RGS7BP: variants seen among roughly 807,000 people sequenced by gnomAD.
The protein encoded by RGS7BP is regulator of G protein signaling 7 binding protein, also known as regulator of G protein signaling 7-binding protein.
A neutral mutation model predicts 31.3 loss-of-function variants in RGS7BP; 9 were observed. The observed-to-expected ratio is 0.29, with a 90% confidence interval of 0.17 to 0.50. RGS7BP has a LOEUF of 0.50. RGS7BP is among the 20% of genes least tolerant of loss of function. RGS7BP has a pLI of 0.98. For synonymous variants in RGS7BP, 115 were observed against 120.1 expected (o/e 0.96, Z 0.28); for missense variants, 274 against 322.0 (o/e 0.85, Z 1.14).
In RGS7BP at chr5:64,506,550, C is replaced by T. The variant is rs553273603; in HGVS notation, c.-75C>T. ...CCGGGCTCCGGCTGCTTGGCGGCGGCGCCCAGGGCAACAACCGGGCCGCCC... is the reference window on the plus strand; with the variant it reads ...CCGGGCTCCGGCTGCTTGGCGGCGGTGCCCAGGGCAACAACCGGGCCGCCC... On this transcript the variant is annotated 5_prime_UTR_variant, in exon 1 of 6. Coordinates refer to ENST00000334025, the MANE Select transcript of RGS7BP (RefSeq NM_001029875.3). The surrounding 1 kb of genome is among the most constrained non-coding windows in gnomAD (Gnocchi z 4.6). 937 of 1,377,626 alleles carry T rather than the reference C, an allele frequency of 6.8e-4. No homozygotes were observed. The highest frequency in any genetic ancestry group is 1.2e-3 in the Admixed American group (55 of 45,202). The allele number at this position is 1,377,626 out of a possible 1,614,324, so 85.3% of individuals were successfully genotyped here.
rs187588813 is a variant in RGS7BP at position 64,514,715 on chromosome 5, C to T, written c.332+6838C>T. ...GGTGAGGCATCTAACAATCCACACC[C>T]GGGGTGTTCACTTTCCCTGGTGTGC... On this transcript the variant is annotated intron_variant, in intron 2 of 5. Coordinates refer to ENST00000334025, the MANE Select transcript of RGS7BP (RefSeq NM_001029875.3). 6.4e-4 allele frequency among the ~76,000 whole-genome samples: 97 copies of T among 152,202 alleles called. 1 individual carries two copies. The highest frequency in any genetic ancestry group is 1.9e-3 in the South Asian group (9 of 4,810).
intron 3 of RGS7BP, among the ~76,000 whole-genome samples, chr5:64,577,301 G>C (rs960760253): frequency 1.7e-4 from 26 of 152,206 alleles, no homozygotes; most frequent in African/African-American, 5.5e-4. Context: ...AATTAGCCAG[G>C]CTTGGTGGGG....
chr5:64,583,245 C>T (rs549526956), intron 3 of RGS7BP, among the ~76,000 whole-genome samples: 2 of 151,976 alleles, frequency 1.3e-5, no homozygotes, highest in Admixed American at 1.3e-4. Context: ...AAAAATTAGC[C>T]AGGTGTGGTG....
rs1403438288 is a variant in RGS7BP, at chr5:64,535,555, T to C, written c.332+27678T>C. ...ATATATGATCCCCTTAAAATGCCTA[T>C]AAAGAAAGAAAGAAAGGTTGATTAT... On this transcript the variant is annotated intron_variant, in intron 2 of 5. Transcript: ENST00000334025. Among the ~76,000 whole-genome samples the C allele has an allele frequency of 2.0e-5, 3 of 152,114 alleles. No homozygotes were observed. In the East Asian group the frequency reaches 5.8e-4, roughly 29 times the overall value.
intron 2 of RGS7BP, among the ~76,000 whole-genome samples, chr5:64,528,840 G>A (rs1367300899): frequency 1.3e-5 from 2 of 148,676 alleles, no homozygotes; most frequent in African/African-American, 5.0e-5. Flanking sequence ...AAAAAAAAGT[G>A]GGAGGGAGGA....
rs201101858 is a variant in RGS7BP at position 64,512,998 on chromosome 5, G to GT, written c.332+5122dup. Among the ~76,000 whole-genome samples the GT allele has an allele frequency of 6.2e-4, 95 of 152,328 alleles. 1 individual carries two copies. The East Asian group carries it at 0.016, about 26-fold the overall frequency. On this transcript the variant is annotated intron_variant, in intron 2 of 5. Transcript: ENST00000334025. The stretch of plus-strand genomic sequence containing the variant: ...AAATTCTCTGCACGCCAAAATGACA[G>GT]TGTTACATTGAAGGACTTCTGAATC...
chr5:64,544,556 C>G (rs575986467), intron 2 of RGS7BP, among the ~76,000 whole-genome samples: 2 of 151,424 alleles, frequency 1.3e-5, no homozygotes, highest in African/African-American at 4.9e-5. Context: ...TGCCTATAGT[C>G]CTAGCCACCT....
At chr5:64,566,628 T>G (rs1214343173) in intron 2 of RGS7BP, among the ~76,000 whole-genome samples, 1 of 151,940 alleles carries the variant, frequency 6.6e-6, no homozygotes, top group Non-Finnish European at 1.5e-5. Context: ...TTCTTTACTA[T>G]TAAAATGAGC....
intron 2 of RGS7BP, among the ~76,000 whole-genome samples, chr5:64,542,765 T>C (rs1225316320): frequency 6.6e-6 from 1 of 152,196 alleles, no homozygotes; most frequent in Non-Finnish European, 1.5e-5. Context: ...CTGAGCTCTA[T>C]GTCTAGAATT....
At chr5:64,513,984 G>A (rs923526964) in intron 2 of RGS7BP, among the ~76,000 whole-genome samples, 2 of 152,206 alleles carry the variant, frequency 1.3e-5, no homozygotes, top group South Asian at 4.1e-4. Flanking sequence ...CTGGAGGCTG[G>A]AAATCTAAGG....
At chr5:64,588,463 C>T (rs1742817935) in intron 3 of RGS7BP, among the ~76,000 whole-genome samples, 1 of 152,134 alleles carries the variant, frequency 6.6e-6, no homozygotes, top group Non-Finnish European at 1.5e-5. Flanking sequence ...TCAGGGTTCT[C>T]CCCTCCTGTC....
intron 4 of RGS7BP, among the ~76,000 whole-genome samples, chr5:64,597,362 T>C (rs1258678808): frequency 1.3e-5 from 2 of 151,872 alleles, no homozygotes; most frequent in African/African-American, 4.8e-5. Context: ...AGTCAGGAAG[T>C]GTGGGAGGAC....
intron 4 of RGS7BP, among the ~76,000 whole-genome samples, chr5:64,595,797 T>G (rs1407845908): frequency 1.3e-5 from 2 of 152,204 alleles, no homozygotes; most frequent in Non-Finnish European, 2.9e-5. Context: ...TAACACACAA[T>G]GGCATTTATA....
chr5:64,587,080 T>C (rs1439050937), intron 3 of RGS7BP, among the ~76,000 whole-genome samples: 1 of 152,118 alleles, frequency 6.6e-6, no homozygotes, highest in Middle Eastern at 3.4e-3. Flanking sequence ...ATTCATCAAA[T>C]GGTCAGGGGG....
chr5:64,609,120 T>C (rs768044923), intron 5 of RGS7BP, 41 bp from the exon 6 acceptor site: 6 of 1,267,806 alleles, frequency 4.7e-6, no homozygotes, highest in Non-Finnish European at 6.9e-6. Flanking sequence ...CAGGTTGTTG[T>C]GTCTATACCT....
intron 2 of RGS7BP, among the ~76,000 whole-genome samples, chr5:64,515,492 T>G (rs1748947935): frequency 6.6e-6 from 1 of 152,174 alleles, no homozygotes; most frequent in Non-Finnish European, 1.5e-5. Context: ...TACATTGAAT[T>G]GTTAATAAAT....
At chr5:64,574,172 T>C (rs540188082) in intron 2 of RGS7BP, among the ~76,000 whole-genome samples, 2 of 152,278 alleles carry the variant, frequency 1.3e-5, no homozygotes, top group Admixed American at 6.5e-5. Context: ...CATGAACCAT[T>C]AATGCCCATT....
At chr5:64,517,204 G>A (rs1749000240) in intron 2 of RGS7BP, among the ~76,000 whole-genome samples, 1 of 152,000 alleles carries the variant, frequency 6.6e-6, no homozygotes, top group Non-Finnish European at 1.5e-5. Context: ...GAAGAAAAGA[G>A]GAAGGTCAAA....
intron 2 of RGS7BP, among the ~76,000 whole-genome samples, chr5:64,549,589 G>C (rs2111831895): frequency 6.6e-6 from 1 of 152,308 alleles, no homozygotes; most frequent in Admixed American, 6.5e-5. Context: ...TGAATAGCTT[G>C]ATCATTCCCT....
Sources: allele counts gnomAD v4.1 joint callset (sites outside exome capture counted in the v4.1 genomes callset), GRCh38; gene constraint gnomAD v4.1.1; non-coding constraint Gnocchi (gnomAD v3.1); transcripts MANE v1.5; gene names NCBI Gene and HGNC (gene_info 2026-07-23, HGNC 2026-07-21).